Variants in SDK1 observed in about 807,000 individuals in gnomAD.
SDK1 encodes the protein sidekick cell adhesion molecule 1.
SDK1 carries 157 observed loss-of-function variants against 245.5 expected under a neutral mutation model. That is an observed-to-expected ratio of 0.64 (90% CI 0.56 to 0.73). The LOEUF is 0.73. SDK1 is among the 30% of genes least tolerant of loss of function. The pLI, the probability that SDK1 is intolerant of heterozygous loss-of-function variation, is 0.00. For synonymous variants in SDK1, 1,647 were observed against 1,278.5 expected (o/e 1.29, Z -6.15); for missense variants, 3,583 against 3,002.3 (o/e 1.19, Z -4.52).
chr7:3,578,159 AAG>A (rs1287021563), intron 1 of SDK1, among the ~76,000 whole-genome samples: 1 of 152,022 alleles, frequency 6.6e-6, no homozygotes, highest in Non-Finnish European at 1.5e-5. Flanking sequence ...TTAGCATACA[AAG>A]AGAGGAATTT....
At chr7:4,022,276 A>G (rs1251538547) in intron 17 of SDK1, among the ~76,000 whole-genome samples, 2 of 152,256 alleles carry the variant, frequency 1.3e-5, no homozygotes, top group African/African-American at 4.8e-5. Context: ...ATGCCCAGCC[A>G]GGAGAAGAAG....
intron 13 of SDK1, among the ~76,000 whole-genome samples, chr7:3,983,107 G>A (rs1783545457): frequency 6.6e-6 from 1 of 152,190 alleles, no homozygotes; most frequent in Admixed American, 6.5e-5. Flanking sequence ...AAAGCAAGTG[G>A]TGTGGGACAG....
intron 13 of SDK1, among the ~76,000 whole-genome samples, chr7:3,975,060 C>T (rs543773982): frequency 1.8e-4 from 27 of 152,212 alleles, no homozygotes; most frequent in East Asian, 5.8e-4. Flanking sequence ...AGCAACTGCC[C>T]GTTACTTCCA....
chr7:4,215,444 C>A (rs139986200), intron 38 of SDK1, among the ~76,000 whole-genome samples: 7 of 152,350 alleles, frequency 4.6e-5, no homozygotes, highest in Non-Finnish European at 8.8e-5. Context: ...AGCATTTGCA[C>A]GTGGGAGGCA....
At chr7:3,552,706 A>T (rs779550163) in intron 1 of SDK1, among the ~76,000 whole-genome samples, 42 of 152,320 alleles carry the variant, frequency 2.8e-4, no homozygotes, top group Non-Finnish European at 5.7e-4. Flanking sequence ...CTTAGCTGTC[A>T]TGCAATTTGC....
At chr7:3,908,544 A>G (rs1779041987) in intron 5 of SDK1, among the ~76,000 whole-genome samples, 1 of 152,138 alleles carries the variant, frequency 6.6e-6, no homozygotes, top group Admixed American at 6.5e-5. Context: ...AAAAAGGGTG[A>G]TATTCTGATG....
At chr7:3,630,861 C>T (rs1412763392) in intron 2 of SDK1, among the ~76,000 whole-genome samples, 4 of 151,874 alleles carry the variant, frequency 2.6e-5, no homozygotes, top group African/African-American at 9.7e-5. Context: ...ATTCTTTAGG[C>T]CCGAGACCCT....
chr7:4,128,613 G>A (rs1218159184), intron 26 of SDK1, among the ~76,000 whole-genome samples: 1 of 148,502 alleles, frequency 6.7e-6, no homozygotes. Flanking sequence ...GGGTCCCCTG[G>A]AGGAGAGCAG....
chr7:4,259,502 G>C (rs1272396693), intron 44 of SDK1, among the ~76,000 whole-genome samples: 2 of 152,152 alleles, frequency 1.3e-5, no homozygotes, highest in Non-Finnish European at 2.9e-5. Context: ...TGAAACCCTT[G>C]AGGCTAGATA....
rs148841036 is a variant in SDK1 at position 3,607,546 on chromosome 7, T to A, written c.299-11534T>A. ...ACGTTTACTAGGTATTTAAGAAATA[T>A]TTGTTGAATGACAGAGCAAATAATC... On this transcript the variant is annotated intron_variant, in intron 1 of 44. Transcript: ENST00000404826. 3.6e-3 allele frequency among the ~76,000 whole-genome samples: 549 copies of A among 152,376 alleles called. 15 individuals are homozygous for A. Among genetic ancestry groups the A allele is most frequent in the Admixed American group, 0.033 (512 of 15,310 alleles).
intron 1 of SDK1, among the ~76,000 whole-genome samples, chr7:3,360,924 C>T (rs766926739): frequency 6.6e-6 from 1 of 152,054 alleles, no homozygotes; most frequent in Admixed American, 6.6e-5. Context: ...GGTTATTCAT[C>T]GATGGGTTAT....
intron 5 of SDK1, among the ~76,000 whole-genome samples, chr7:3,827,267 G>T (rs1056805394): frequency 1.3e-5 from 2 of 152,186 alleles, no homozygotes; most frequent in African/African-American, 4.8e-5. Flanking sequence ...AGGCAGGCAT[G>T]TAAAATTTCC....
At chr7:3,955,771 G>C (rs1449975881) in intron 7 of SDK1, among the ~76,000 whole-genome samples, 1 of 152,176 alleles carries the variant, frequency 6.6e-6, no homozygotes, top group Admixed American at 6.5e-5. Flanking sequence ...GTGTTGTTGG[G>C]GGGTCCTTCT....
chr7:4,011,565 G>A lies in SDK1; in HGVS notation c.2279+452G>A, dbSNP rs1251536303. Among the ~76,000 whole-genome samples, 3 of 152,220 alleles carry A rather than the reference G, an allele frequency of 2.0e-5. No homozygotes were observed. In the East Asian group the frequency reaches 5.8e-4, roughly 29 times the overall value. ...GCGGTCTTCACGCTCTCCCATCCCT[G>A]CGAGGGCCACCTCTGAAAAATCTCA... On this transcript the variant is annotated intron_variant, in intron 15 of 44. Transcript: ENST00000404826.
intron 14 of SDK1, among the ~76,000 whole-genome samples, chr7:3,987,853 G>A (rs544910164): frequency 1.6e-4 from 24 of 152,172 alleles, no homozygotes; most frequent in African/African-American, 3.6e-4. Context: ...TCCTCCAGCC[G>A]CCAAGCCCTC....
intron 5 of SDK1, among the ~76,000 whole-genome samples, chr7:3,903,793 T>C (rs1781872383): frequency 6.6e-6 from 1 of 151,856 alleles, no homozygotes. Context: ...TCATGGGAGG[T>C]GTTTGGGTCA....
At chr7:3,467,797 G>A (rs1247310119) in intron 1 of SDK1, among the ~76,000 whole-genome samples, 2 of 152,016 alleles carry the variant, frequency 1.3e-5, no homozygotes, top group Non-Finnish European at 2.9e-5. Context: ...ATTAAAATTT[G>A]TTCTCTAAAT....
intron 1 of SDK1, among the ~76,000 whole-genome samples, chr7:3,477,555 A>C (rs527847316): frequency 2.8e-5 from 4 of 141,648 alleles, no homozygotes; most frequent in African/African-American, 7.9e-5. Context: ...CACTCTGTCC[A>C]CCAGGCTGGA....
In SDK1 at chr7:3,934,182, T is replaced by C. The variant is rs75444352; in HGVS notation, c.848-16741T>C. Among the ~76,000 whole-genome samples, 22 of 152,354 alleles carry C rather than the reference T, an allele frequency of 1.4e-4. No homozygotes were observed. The East Asian group carries it at 4.2e-3, about 29-fold the overall frequency. On this transcript the variant is annotated intron_variant, in intron 5 of 44. Coordinates refer to ENST00000404826, the MANE Select transcript of SDK1 (RefSeq NM_152744.4). ...TCAATTTAGTCAGGTTTTCTAAAGA[T>C]CTTCCTTGTATTTTAAGGAGGGGCC...
Sources: allele counts gnomAD v4.1 joint callset (sites outside exome capture counted in the v4.1 genomes callset), GRCh38; gene constraint gnomAD v4.1.1; transcripts MANE v1.5; gene names NCBI Gene and HGNC (gene_info 2026-07-23, HGNC 2026-07-21).